Variants in PIEZO2 observed in about 807,000 individuals in gnomAD.
PIEZO2 encodes piezo type mechanosensitive ion channel component 2, also known as piezo-type mechanosensitive ion channel component 2.
PIEZO2 carries 172 observed loss-of-function variants against 337.3 expected under a neutral mutation model. The ratio of observed to expected loss-of-function variants is 0.51; its 90% CI spans 0.45 to 0.58. The LOEUF (loss-of-function observed/expected upper bound fraction) is 0.58, where lower values mean the gene tolerates loss of function less well. Ranked by LOEUF, PIEZO2 falls within the 20% of genes least tolerant of loss-of-function variation. PIEZO2 has a pLI of 0.00. For missense variants in PIEZO2, 3,028 were observed against 3,391.3 expected (o/e 0.89, Z 2.66); for synonymous variants, 1,251 against 1,228.5 (o/e 1.02, Z -0.38).
chr18:10,822,129 A>T (rs190597511), intron 7 of PIEZO2, among the ~76,000 whole-genome samples: 1 of 152,334 alleles, frequency 6.6e-6, no homozygotes, highest in Non-Finnish European at 1.5e-5. Flanking sequence ...CCACAATGTC[A>T]TTGTGCTATA....
At chr18:10,921,603 G>T (rs1432536107) in intron 3 of PIEZO2, among the ~76,000 whole-genome samples, 1 of 152,116 alleles carries the variant, frequency 6.6e-6, no homozygotes, top group Non-Finnish European at 1.5e-5. Flanking sequence ...GAGCATGTGT[G>T]TTTGAACAAT....
intron 3 of PIEZO2, among the ~76,000 whole-genome samples, chr18:10,930,717 T>C (rs994434244): frequency 1.2e-4 from 19 of 152,248 alleles, no homozygotes; most frequent in African/African-American, 4.6e-4. Context: ...AGTTTCTCTC[T>C]ATCCTTTGAA....
rs535391037 is a variant in PIEZO2, at chr18:10,878,374, C to A, written c.330-6959G>T. Among the ~76,000 whole-genome samples, 67 of 152,290 alleles carry A rather than the reference C, an allele frequency of 4.4e-4. No individual in the cohort carries two copies. Among genetic ancestry groups the A allele is most frequent in the African/African-American group, 1.5e-3 (63 of 41,568 alleles). ...ACCTACCATAAAGAGCTCTGTAATT[C>A]AGCTCGGGGAAGATAATACACAAAC... is the stretch of plus-strand genomic sequence containing the variant. On this transcript the variant is annotated intron_variant, in intron 4 of 55. Transcript: ENST00000674853. This position sits in a 1 kb window ranked among gnomAD's most constrained non-coding sequence, Gnocchi z 4.3.
At position 11,146,352 on chromosome 18, in the gene PIEZO2, C is replaced by A. The variant is rs914287737; in HGVS notation, c.64+2173G>T. On this transcript the variant is annotated intron_variant, in intron 1 of 55. Coordinates refer to ENST00000674853, the MANE Select transcript of PIEZO2 (RefSeq NM_001378183.1). The surrounding 1 kb of genome is among the most constrained non-coding windows in gnomAD (Gnocchi z 6.1). ...CTGCCCTGGGGCACAAGCCAGCCAG[C>A]AGGAGGTGAACAGTGTGCGGGCACC... is the stretch of plus-strand genomic sequence containing the variant. Among the ~76,000 whole-genome samples, 6 of 152,196 alleles carry A rather than the reference C, an allele frequency of 3.9e-5. No homozygotes were observed. Among genetic ancestry groups the A allele is most frequent in the Non-Finnish European group, 8.8e-5 (6 of 68,036 alleles).
intron 5 of PIEZO2, among the ~76,000 whole-genome samples, chr18:10,865,886 C>T (rs16975507): frequency 0.26 from 39,046 of 152,042 alleles, 4,977 homozygotes; most frequent in Non-Finnish European, 0.27. Flanking sequence ...AGGGGCTCTG[C>T]AATTGCCTCA....
chr18:10,958,619 T>C (rs1212786317), intron 3 of PIEZO2, among the ~76,000 whole-genome samples: 2 of 152,212 alleles, frequency 1.3e-5, no homozygotes, highest in Non-Finnish European at 2.9e-5. Context: ...AAGGTATACA[T>C]AGATCAAAAC....
rs76499741 is a variant in PIEZO2, at chr18:10,745,374, C to T, written c.4425-1143G>A. On this transcript the variant is annotated intron_variant, in intron 30 of 55. Transcript: ENST00000674853. Reference sequence around the variant, plus strand: ...TTAAAAAAACGAAAAAGAAAACCGACACACGACCACATCCCACATTTTCCT... The same window carrying T: ...TTAAAAAAACGAAAAAGAAAACCGATACACGACCACATCCCACATTTTCCT... 1.2e-4 allele frequency among the ~76,000 whole-genome samples: 18 copies of T among 152,268 alleles called. No individual in the cohort carries two copies. In the East Asian group the frequency reaches 3.1e-3, roughly 26 times the overall value.
chr18:11,081,847 C>A (rs1399165111), intron 1 of PIEZO2, among the ~76,000 whole-genome samples: 2 of 151,928 alleles, frequency 1.3e-5, no homozygotes, highest in East Asian at 1.9e-4. Flanking sequence ...GCAACCTCCA[C>A]CTCCTAGGTT....
rs927357965 is a variant in PIEZO2, at chr18:11,069,901, T to G, written c.65-3679A>C. On this transcript the variant is annotated intron_variant, in intron 1 of 55. Coordinates refer to ENST00000674853, the MANE Select transcript of PIEZO2 (RefSeq NM_001378183.1). The surrounding 1 kb of genome is among the most constrained non-coding windows in gnomAD (Gnocchi z 4.9). ...ACAATGAACTATCTGAAAAAGAAAT[T>G]TAAAAAATCCCATTCACAATAGCTA... is the stretch of plus-strand genomic sequence containing the variant. Among the ~76,000 whole-genome samples the G allele has an allele frequency of 6.6e-6, 1 of 151,988 alleles. No individual in the cohort carries two copies. Among genetic ancestry groups the G allele is most frequent in the Non-Finnish European group, 1.5e-5 (1 of 67,994 alleles).
At chr18:10,949,331 T>G (rs1218078096) in intron 3 of PIEZO2, among the ~76,000 whole-genome samples, 1 of 152,102 alleles carries the variant, frequency 6.6e-6, no homozygotes, top group East Asian at 1.9e-4. Flanking sequence ...ACAAGAACAA[T>G]CAAACAAATT....
At chr18:10,801,279 G>T (rs2039804849) in intron 10 of PIEZO2, 111 bp downstream of exon 10, 1 of 963,574 alleles carries the variant, frequency 1.0e-6, no homozygotes, top group South Asian at 1.9e-5. Context: ...AAATGGAAAA[G>T]CTTATGGAAA....
intron 2 of PIEZO2, among the ~76,000 whole-genome samples, chr18:10,995,500 A>G (rs1598800793): frequency 6.6e-6 from 1 of 152,330 alleles, no homozygotes; most frequent in African/African-American, 2.4e-5. Context: ...TTTGGTGGTA[A>G]GAAATCAAGC....
At chr18:10,891,456 C>T (rs561392085) in intron 4 of PIEZO2, among the ~76,000 whole-genome samples, 18 of 152,088 alleles carry the variant, frequency 1.2e-4, no homozygotes, top group Admixed American at 3.3e-4. Flanking sequence ...CTCTTGGAGC[C>T]AAATGTACTT....
intron 2 of PIEZO2, among the ~76,000 whole-genome samples, chr18:11,034,757 A>G (rs1032174341): frequency 3.0e-4 from 46 of 152,184 alleles, no homozygotes; most frequent in Middle Eastern, 6.8e-3. Context: ...AGGCAGGAGA[A>G]TCGCTTCAAC....
At chr18:10,967,240 A>G (rs1436139021) in intron 3 of PIEZO2, among the ~76,000 whole-genome samples, 1 of 152,012 alleles carries the variant, frequency 6.6e-6, no homozygotes, top group East Asian at 1.9e-4. Context: ...GTTGGTCTCA[A>G]TCTCCTGACC....
At position 10,800,487 on chromosome 18, in the gene PIEZO2, G is replaced by T. The variant is rs1161963668; in HGVS notation, c.1240-12C>A. ...GTCACCAGCAGGCCCTGCCGGGAGTGCAGAGAAAGGGACAACTGTTACAGC... is the reference window on the plus strand; with the variant it reads ...GTCACCAGCAGGCCCTGCCGGGAGTTCAGAGAAAGGGACAACTGTTACAGC... On this transcript the variant is annotated splice_polypyrimidine_tract_variant and intron_variant, in intron 10 of 55. Transcript: ENST00000674853. 4 of 1,522,312 alleles carry T rather than the reference G, an allele frequency of 2.6e-6. No homozygotes were observed. The highest frequency in any genetic ancestry group is 3.5e-6 in the Non-Finnish European group (4 of 1,140,528). The allele number at this position is 1,522,312 out of a possible 1,614,324, so 94.3% of individuals were successfully genotyped here.
intron 2 of PIEZO2, among the ~76,000 whole-genome samples, chr18:10,986,968 A>G (rs1172244299): frequency 6.6e-6 from 1 of 152,056 alleles, no homozygotes; most frequent in Non-Finnish European, 1.5e-5. Context: ...AATAGCATCA[A>G]AAAGAACAAA....
Position 10,682,365 on chromosome 18 carries a change from G to C in PIEZO2, c.7498-73C>G, listed in dbSNP as rs919813087. On this transcript the variant is annotated intron_variant, in intron 49 of 55. Transcript: ENST00000674853. The surrounding 1 kb of genome is among the most constrained non-coding windows in gnomAD (Gnocchi z 5.6). ...TCCCGCAGGCAGCGGGATTGGGGGA[G>C]AGCGAGTGCTCTTCCTGTGGTGCTG... The C allele has an allele frequency of 1.2e-5, 16 of 1,317,358 alleles. No homozygotes were observed. The African/African-American group carries it at 1.8e-4, about 15-fold the overall frequency. 81.6% of individuals were successfully genotyped at this position (1,317,358 alleles called of 1,614,324 possible). A position where few individuals can be genotyped will look rare whatever the true frequency, so the allele number is the denominator to read the frequency against.
In PIEZO2 at chr18:11,038,355, T is replaced by C. The variant is rs961566341; in HGVS notation, c.160+27772A>G. ...ATTTCTAAGTTGTATTTTCCTTCCT[T>C]AATTTTTAACTCAAACTTACTCAAT... On this transcript the variant is annotated intron_variant, in intron 2 of 55. Transcript: ENST00000674853. This position sits in a 1 kb window ranked among gnomAD's most constrained non-coding sequence, Gnocchi z 4.1. Among the ~76,000 whole-genome samples, 2 of 152,176 alleles carry C rather than the reference T, an allele frequency of 1.3e-5. No homozygotes were observed. Among genetic ancestry groups the C allele is most frequent in the African/African-American group, 2.4e-5 (1 of 41,448 alleles).
Sources: gnomAD v4.1 joint callset for allele counts (sites outside exome capture counted in the v4.1 genomes callset) on GRCh38, gnomAD v4.1.1 for gene constraint, Gnocchi (gnomAD v3.1) non-coding constraint, MANE v1.5 for transcripts, NCBI Gene and HGNC (gene_info 2026-07-23, HGNC 2026-07-21) for gene names.